Variants in SEL1L3 observed in about 807,000 individuals in gnomAD.
SEL1L3 encodes protein sel-1 homolog 3.
Under a neutral mutation model 142.8 loss-of-function variants are expected in SEL1L3, and 76 were observed. The ratio of observed to expected loss-of-function variants is 0.53; its 90% CI spans 0.44 to 0.64. SEL1L3 has a LOEUF of 0.64. Ranked by LOEUF, SEL1L3 falls within the 30% of genes least tolerant of loss-of-function variation. The probability of loss-of-function intolerance (pLI) is 0.00; values close to 1 mark genes in which losing one functional copy is unlikely to be tolerated. For synonymous variants in SEL1L3, 504 were observed against 519.6 expected (o/e 0.97, Z 0.41); for missense variants, 1,262 against 1,381.7 (o/e 0.91, Z 1.37).
the SEL1L3 span, among the ~76,000 whole-genome samples, chr4:25,715,997 G>A: frequency 6.6e-6 from 1 of 152,102 alleles, no homozygotes; most frequent in Admixed American, 6.6e-5. Flanking sequence ...GCTATGTGCT[G>A]TATGCATTAT....
At chr4:25,765,242 C>T (rs1161325237) in intron 20 of SEL1L3, 84 bp downstream of exon 20, 9 of 883,280 alleles carry the variant, frequency 1.0e-5, no homozygotes, top group Non-Finnish European at 1.7e-5. Flanking sequence ...GACCCGCCCC[C>T]GTCGGCCTCC....
intron 1 of SEL1L3, among the ~76,000 whole-genome samples, chr4:25,854,726 T>A (rs1480492062): frequency 6.6e-6 from 1 of 152,254 alleles, no homozygotes; most frequent in African/African-American, 2.4e-5. Flanking sequence ...GGCTTGATTC[T>A]GTATTTTTCT....
At chr4:25,731,457 A>G in the SEL1L3 span, among the ~76,000 whole-genome samples, 2 of 152,190 alleles carry the variant, frequency 1.3e-5, no homozygotes, top group African/African-American at 4.8e-5. Flanking sequence ...AAGTGTATCC[A>G]TCACACCCAG....
At chr4:25,834,497 C>A (rs568335017) in intron 3 of SEL1L3, among the ~76,000 whole-genome samples, 13 of 152,328 alleles carry the variant, frequency 8.5e-5, no homozygotes, top group Middle Eastern at 3.4e-3. Flanking sequence ...TTTGCAGATA[C>A]ACACAAGTCC....
At chr4:25,807,824 G>A (rs976249100) in intron 9 of SEL1L3, among the ~76,000 whole-genome samples, 1 of 152,014 alleles carries the variant, frequency 6.6e-6, no homozygotes, top group African/African-American at 2.4e-5. Flanking sequence ...CCTTCACAAA[G>A]CTCAAATCTT....
chr4:25,809,582 C>A (rs1713877238), intron 9 of SEL1L3, among the ~76,000 whole-genome samples: 1 of 152,180 alleles, frequency 6.6e-6, no homozygotes, highest in Non-Finnish European at 1.5e-5. Context: ...CCGCTCCTGA[C>A]CCCGTATAAA....
chr4:25,781,606 T>A (rs1271087994), intron 15 of SEL1L3, among the ~76,000 whole-genome samples: 1 of 152,186 alleles, frequency 6.6e-6, no homozygotes, highest in Non-Finnish European at 1.5e-5. Context: ...AGAGTGGGCT[T>A]CCACTGTGCA....
the SEL1L3 span, among the ~76,000 whole-genome samples, chr4:25,737,295 T>G: frequency 6.6e-6 from 1 of 152,220 alleles, no homozygotes; most frequent in East Asian, 1.9e-4. Context: ...AGACTAGGTT[T>G]AAACAACAGA....
Position 25,776,292 on chromosome 4 carries a change from T to C in SEL1L3, c.2654A>G (p.Tyr885Cys), listed in dbSNP as rs1242493647. The C allele has an allele frequency of 1.2e-6, 2 of 1,611,784 alleles. No individual in the cohort carries two copies. The highest frequency in any genetic ancestry group is 1.7e-6 in the Non-Finnish European group (2 of 1,178,160). The change falls in exon 17 of 24, where the codon TAC becomes TGC. Residue 885 changes from tyrosine to cysteine, a missense_variant. Tyr to Cys is a radical substitution (Grantham distance 194, BLOSUM62 -2). Transcript: ENST00000399878. ...CCAAGCTTACCATGAACCTTCCAGG[T>C]AGGCATTGAGGCCTTTGCGGATGAC... is the stretch of plus-strand genomic sequence containing the variant. ...GHVIRKGLNA[Y>C]LEGSWHEALL...
At chr4:25,755,624 T>C (rs1043602136) in intron 23 of SEL1L3, among the ~76,000 whole-genome samples, 8 of 151,992 alleles carry the variant, frequency 5.3e-5, no homozygotes, top group South Asian at 2.1e-4. Context: ...TATGGGGATA[T>C]AGGAAGAGCA....
At chr4:25,741,002 C>G in the SEL1L3 span, among the ~76,000 whole-genome samples, 1 of 152,044 alleles carries the variant, frequency 6.6e-6, no homozygotes, top group Non-Finnish European at 1.5e-5. Flanking sequence ...CCAGGCTGGT[C>G]TTGAACTCCT....
chr4:25,791,123 T>A (rs548832103), intron 11 of SEL1L3, among the ~76,000 whole-genome samples: 117 of 152,356 alleles, frequency 7.7e-4, no homozygotes, highest in Non-Finnish European at 1.0e-3. Context: ...ATTATACACA[T>A]GCAAAATCAA....
At chr4:25,790,799 A>G (rs370545017) in intron 11 of SEL1L3, among the ~76,000 whole-genome samples, 1 of 148,692 alleles carries the variant, frequency 6.7e-6, no homozygotes, top group South Asian at 2.2e-4. Flanking sequence ...AGGGAGGGAA[A>G]GAAGGAAGGA....
chr4:25,784,496 A>G (rs1194164282), intron 13 of SEL1L3, among the ~76,000 whole-genome samples: 1 of 152,198 alleles, frequency 6.6e-6, no homozygotes, highest in African/African-American at 2.4e-5. Flanking sequence ...AGAAGCAACA[A>G]ACCTCAACTT....
rs1279113825 is a variant in SEL1L3 at position 25,833,449 on chromosome 4, C to A, written c.981G>T (p.Glu327Asp). ...YGTPSVFLTEEGYLHIQMHLV... is the reference protein window; with the variant it reads ...YGTPSVFLTEDGYLHIQMHLV... ...TTAAAGGTTCTGTTTTATACTCACC[C>A]TCTTCCGTAAGAAATACAGAAGGTG... Residue 327 changes from glutamate (E) to aspartate (D), a missense_variant and splice_region_variant, in exon 4 of 24, where the codon GAG becomes GAT. By Grantham distance (45) the Glu-to-Asp change is conservative (BLOSUM62 2). Around this residue, in one of 3 missense-constraint regions of SEL1L3, gnomAD observed 689 missense variants for 692.8 expected, o/e 0.99. Coordinates refer to ENST00000399878, the MANE Select transcript of SEL1L3 (RefSeq NM_015187.5). 6.2e-7 allele frequency: 1 copy of A among 1,610,480 alleles called. No homozygotes were observed. The highest frequency in any genetic ancestry group is 1.7e-5 in the Admixed American group (1 of 59,456).
chr4:25,776,901 A>AC lies in SEL1L3; in HGVS notation c.2586-542_2586-541insG, dbSNP rs1560291501. ...AAAAGAGATTAAAAAAAGGCACAAA[A>AC]ACCCCCCCACAGATGTGACAAATAG... On this transcript the variant is annotated intron_variant, in intron 16 of 23. Transcript: ENST00000399878. Among the ~76,000 whole-genome samples the AC allele has an allele frequency of 1.6e-4, 24 of 151,648 alleles. No individual in the cohort carries two copies. The East Asian group carries it at 1.7e-3, about 11-fold the overall frequency.
chr4:25,776,169 T>G (rs1719608380), intron 17 of SEL1L3, 108 bp downstream of exon 17: 2 of 667,178 alleles, frequency 3.0e-6, no homozygotes, highest in Non-Finnish European at 5.4e-6. Flanking sequence ...CTGGGAGCTG[T>G]GATTTCCCTG....
chr4:25,849,305 G>GA (rs1300666398), intron 1 of SEL1L3, among the ~76,000 whole-genome samples: 1 of 152,174 alleles, frequency 6.6e-6, no homozygotes, highest in African/African-American at 2.4e-5. Flanking sequence ...TGAATGGGTA[G>GA]AAAAAATGTG....
At chr4:25,849,296 G>A (rs1716735013) in intron 1 of SEL1L3, among the ~76,000 whole-genome samples, 1 of 152,220 alleles carries the variant, frequency 6.6e-6, no homozygotes, top group Admixed American at 6.5e-5. Flanking sequence ...ATCCATGGAT[G>A]AATGGGTAGA....
Sources: gnomAD v4.1 joint callset for allele counts (sites outside exome capture counted in the v4.1 genomes callset) on GRCh38, gnomAD v4.1.1 for gene constraint, gnomAD v4.1.1 regional missense constraint, MANE v1.5 for transcripts, NCBI Gene and HGNC (gene_info 2026-07-23, HGNC 2026-07-21) for gene names.